The following MECOM variants were observed in gnomAD, a reference collection of about 807,000 sequenced individuals.
MECOM encodes the protein histone-lysine N-methyltransferase MECOM.
MECOM carries 13 observed loss-of-function variants against 116.3 expected under a neutral mutation model. The observed-to-expected ratio is 0.11, with a 90% CI of 0.07 to 0.18. MECOM has a LOEUF of 0.18. Ranked by LOEUF, MECOM falls within the 10% of genes least tolerant of loss-of-function variation. The pLI is 1.00. For synonymous variants in MECOM, 528 were observed against 535.2 expected (o/e 0.99, Z 0.19); for missense variants, 1,299 against 1,509.0 (o/e 0.86, Z 2.31).
chr3:169,525,112 C>A (rs1757813295), intron 1 of MECOM, among the ~76,000 whole-genome samples: 1 of 152,068 alleles, frequency 6.6e-6, no homozygotes. Flanking sequence ...TTTCTAATAT[C>A]ACAGAAACAA....
intron 2 of MECOM, among the ~76,000 whole-genome samples, chr3:169,372,471 T>C (rs1730302123): frequency 6.6e-6 from 1 of 152,046 alleles, no homozygotes; most frequent in South Asian, 2.1e-4. Flanking sequence ...TTGTGATCTC[T>C]CCTGAACCCT....
At chr3:169,243,017 G>A (rs1303451946) in intron 2 of MECOM, among the ~76,000 whole-genome samples, 2 of 151,726 alleles carry the variant, frequency 1.3e-5, no homozygotes, top group African/African-American at 2.4e-5. Context: ...ATTAACCTTT[G>A]TTATTCCATC....
rs542353234 is a variant in MECOM at position 169,103,775 on chromosome 3, G to C, written c.2605-1549C>G. Among the ~76,000 whole-genome samples the C allele has an allele frequency of 1.4e-4, 21 of 152,292 alleles. No individual in the cohort carries two copies. In the South Asian group the frequency reaches 4.4e-3, roughly 32 times the overall value. On this transcript the variant is annotated intron_variant, in intron 10 of 16. Transcript: ENST00000651503. ...AGAATACCATCAGCTTCTTAAAGTA[G>C]AGCAAAGTCTTAACAGCATGGCCTG... is the stretch of plus-strand genomic sequence containing the variant.
At chr3:169,327,390 A>G (rs1722008869) in intron 2 of MECOM, among the ~76,000 whole-genome samples, 1 of 152,208 alleles carries the variant, frequency 6.6e-6, no homozygotes, top group Non-Finnish European at 1.5e-5. Context: ...CTGTAATCCC[A>G]ACACTTTGGG....
intron 1 of MECOM, among the ~76,000 whole-genome samples, chr3:169,408,297 C>T (rs1737010439): frequency 6.6e-6 from 1 of 152,118 alleles, no homozygotes; most frequent in Non-Finnish European, 1.5e-5. Context: ...AAAGAATTAG[C>T]ACTCCCAATG....
chr3:169,611,411 C>A lies in MECOM; in HGVS notation c.37+51925G>T, dbSNP rs570241637. On this transcript the variant is annotated intron_variant, in intron 1 of 16. Transcript: ENST00000651503. This position sits in a 1 kb window ranked among gnomAD's most constrained non-coding sequence, Gnocchi z 4.1. ...CCATTCACACATTTTGTCCCCCTAACCCTGTCTTTTCTGAGGGTGCATCAA... is the reference window on the plus strand; with the variant it reads ...CCATTCACACATTTTGTCCCCCTAAACCTGTCTTTTCTGAGGGTGCATCAA... 6.6e-6 allele frequency among the ~76,000 whole-genome samples: 1 copy of A among 152,186 alleles called. No individual in the cohort carries two copies. The highest frequency in any genetic ancestry group is 2.4e-5 in the African/African-American group (1 of 41,436).
chr3:169,441,744 T>TTTTTTTTTTTTTTTTTTTTTTG (rs1237906532), intron 1 of MECOM, among the ~76,000 whole-genome samples: 11 of 142,092 alleles, frequency 7.7e-5, no homozygotes, highest in African/African-American at 1.3e-4. Context: ...TTTTTTTTTT[T>TTTTTTTTTTTTTTTTTTTTTTG]AAAAAAGGGG....
At chr3:169,497,290 T>C (rs902715988) in intron 1 of MECOM, among the ~76,000 whole-genome samples, 1 of 152,168 alleles carries the variant, frequency 6.6e-6, no homozygotes, top group African/African-American at 2.4e-5. Flanking sequence ...CCAATGCTTC[T>C]TTTGCAATAG....
chr3:169,307,244 T>A (rs1041560787), intron 2 of MECOM, among the ~76,000 whole-genome samples: 3 of 152,154 alleles, frequency 2.0e-5, no homozygotes, highest in Non-Finnish European at 4.4e-5. Flanking sequence ...ATCACTCTAG[T>A]TACAGCTGCA....
intron 14 of MECOM, among the ~76,000 whole-genome samples, chr3:169,091,759 A>G (rs1177874590): frequency 1.3e-5 from 2 of 152,004 alleles, no homozygotes; most frequent in Admixed American, 6.6e-5. Context: ...ACACTTTTAT[A>G]CAAGTTGAAA....
At chr3:169,617,332 CAGA>C (rs1479169522) in intron 1 of MECOM, among the ~76,000 whole-genome samples, 1 of 152,162 alleles carries the variant, frequency 6.6e-6, no homozygotes, top group African/African-American at 2.4e-5. Context: ...CATGTGCACC[CAGA>C]AGGAGTCTTG....
At chr3:169,205,145 C>A (rs1021605032) in intron 2 of MECOM, among the ~76,000 whole-genome samples, 3 of 152,142 alleles carry the variant, frequency 2.0e-5, no homozygotes, top group African/African-American at 4.8e-5. Context: ...TCACATCAAG[C>A]TGCTAGGCTA....
intron 2 of MECOM, among the ~76,000 whole-genome samples, chr3:169,369,252 A>G (rs1729682149): frequency 6.6e-6 from 1 of 151,950 alleles, no homozygotes; most frequent in Non-Finnish European, 1.5e-5. Context: ...ACCTTTCCAT[A>G]AGAAAGAAGG....
At chr3:169,286,390 T>C (rs949084023) in intron 2 of MECOM, among the ~76,000 whole-genome samples, 1 of 152,184 alleles carries the variant, frequency 6.6e-6, no homozygotes, top group Non-Finnish European at 1.5e-5. Context: ...TCTTCCACTC[T>C]GAAATGCAAA....
At chr3:169,496,172 T>C (rs1753784947) in intron 1 of MECOM, among the ~76,000 whole-genome samples, 1 of 152,178 alleles carries the variant, frequency 6.6e-6, no homozygotes, top group Admixed American at 6.5e-5. Context: ...TTTCTCACCA[T>C]TGAAAACATA....
chr3:169,131,286 G>T, intron 4 of MECOM, 143 bp downstream of exon 4: 1 of 703,468 alleles, frequency 1.4e-6, no homozygotes. Context: ...CAAGAAAATA[G>T]CTGCTTCAAG....
At chr3:169,113,162 T>A (rs1233240048) in intron 8 of MECOM, among the ~76,000 whole-genome samples, 1 of 152,082 alleles carries the variant, frequency 6.6e-6, no homozygotes, top group Non-Finnish European at 1.5e-5. Context: ...GAGGCATTTG[T>A]CATGAATTCA....
intron 1 of MECOM, among the ~76,000 whole-genome samples, chr3:169,628,250 C>A (rs1263494345): frequency 1.3e-5 from 2 of 152,146 alleles, no homozygotes; most frequent in Non-Finnish European, 2.9e-5. Flanking sequence ...GGAAGTAGTT[C>A]ATTAAAGAGG....
intron 2 of MECOM, among the ~76,000 whole-genome samples, chr3:169,369,244 C>A (rs1184898613): frequency 6.6e-6 from 1 of 151,674 alleles, no homozygotes; most frequent in Non-Finnish European, 1.5e-5. Flanking sequence ...GACAGCTGAC[C>A]TTTCCATAAG....
Sources: allele counts gnomAD v4.1 joint callset (sites outside exome capture counted in the v4.1 genomes callset), GRCh38; gene constraint gnomAD v4.1.1; non-coding constraint Gnocchi (gnomAD v3.1); transcripts MANE v1.5; gene names NCBI Gene and HGNC (gene_info 2026-07-23, HGNC 2026-07-21).